Variants in SHLD1 observed in about 807,000 individuals in gnomAD.
SHLD1 encodes the protein RINN1-REV7-interacting novel NHEJ regulator 3.
SHLD1 carries 3 observed loss-of-function variants against 5.5 expected under a neutral mutation model. That is an observed-to-expected ratio of 0.54 (90% CI 0.25 to 1.40). The LOEUF (loss-of-function observed/expected upper bound fraction) is 1.40, where lower values mean the gene tolerates loss of function less well. Among genes scored for constraint, SHLD1 ranks in the 40% most tolerant of loss-of-function variants. The probability of loss-of-function intolerance (pLI) is 0.15; values close to 1 mark genes in which losing one functional copy is unlikely to be tolerated. For missense variants in SHLD1, 210 were observed against 244.4 expected (o/e 0.86, Z 0.94); for synonymous variants, 92 against 94.3 (o/e 0.98, Z 0.14).
At chr20:5,858,552 G>C (rs6116972) in intron 2 of SHLD1, among the ~76,000 whole-genome samples, 1 of 152,174 alleles carries the variant, frequency 6.6e-6, no homozygotes, top group African/African-American at 2.4e-5. Context: ...TCAAGTATCA[G>C]GCTGAGCGTG....
chr20:5,769,603 C>G (rs1326688972), intron 1 of SHLD1, among the ~76,000 whole-genome samples: 1 of 152,168 alleles, frequency 6.6e-6, no homozygotes, highest in Non-Finnish European at 1.5e-5. Context: ...AATAATAGAA[C>G]AGTTATTAAA....
At chr20:5,850,598 C>A (rs2087996227) in intron 2 of SHLD1, among the ~76,000 whole-genome samples, 1 of 150,626 alleles carries the variant, frequency 6.6e-6, no homozygotes, top group Non-Finnish European at 1.5e-5. Context: ...GCAACCTCCA[C>A]CTCCCGGGTT....
chr20:5,800,648 A>G, intron 2 of SHLD1, among the ~76,000 whole-genome samples: 1 of 151,778 alleles, frequency 6.6e-6, no homozygotes, highest in East Asian at 1.9e-4. Context: ...AGATTGTGCC[A>G]CTGCACCCCA....
chr20:5,797,044 A>G (rs2087223982), intron 2 of SHLD1, among the ~76,000 whole-genome samples: 1 of 152,170 alleles, frequency 6.6e-6, no homozygotes. Context: ...TGGAAGAAAA[A>G]CAGACCCAGA....
intron 1 of SHLD1, among the ~76,000 whole-genome samples, chr20:5,753,674 A>G (rs1983892780): frequency 6.6e-6 from 1 of 152,228 alleles, no homozygotes; most frequent in South Asian, 2.1e-4. Flanking sequence ...GTGTACAAGC[A>G]ACATGGCACT....
Position 5,773,032 on chromosome 20 carries a change from A to T in SHLD1, c.167A>T (p.Asp56Val). The change falls in exon 2 of 3, where the codon GAT (aspartate) becomes GTT (valine). Residue 56 changes from aspartate to valine, a missense_variant. Physicochemically the swap from Asp to Val is radical, Grantham distance 152 (BLOSUM62 -3). Transcript: ENST00000303142. ...TTCCATTCTTTTCCTTATTCTTCTG[A>T]TGTGGATCCAGGTAATAAGCAGAGT... ...LEFHSFPYSS[D>V]VDPDTSNLNI... 1 of 1,614,208 alleles carries T rather than the reference A, an allele frequency of 6.2e-7. No homozygotes were observed. The highest frequency in any genetic ancestry group is 1.1e-5 in the South Asian group (1 of 91,088).
intron 2 of SHLD1, among the ~76,000 whole-genome samples, chr20:5,786,824 A>G (rs1376447430): frequency 6.6e-6 from 1 of 152,098 alleles, no homozygotes. Flanking sequence ...AGTGCCTCCC[A>G]TCTGCCCCAG....
At position 5,855,048 on chromosome 20, in the gene SHLD1, AT is replaced by A. The variant is rs1251202298; in HGVS notation, c.179-7966del. ...ACCACCATGGCCGGCTAAATTTTTA[AT>A]TTTTTTTTTGTAGAGGCAGGGTCTT... On this transcript the variant is annotated intron_variant, in intron 2 of 2. Coordinates refer to ENST00000303142, the MANE Select transcript of SHLD1 (RefSeq NM_152504.4). The surrounding 1 kb of genome is among the most constrained non-coding windows in gnomAD (Gnocchi z 4.4). 3.4e-5 allele frequency among the ~76,000 whole-genome samples: 5 copies of A among 147,830 alleles called. No homozygotes were observed. Among genetic ancestry groups the A allele is most frequent in the East Asian group, 2.0e-4 (1 of 5,046 alleles).
intron 2 of SHLD1, among the ~76,000 whole-genome samples, chr20:5,832,266 A>C (rs912662097): frequency 6.6e-6 from 1 of 152,170 alleles, no homozygotes; most frequent in East Asian, 1.9e-4. Context: ...AGAATAATGG[A>C]AGTGAATCCA....
chr20:5,792,239 G>A (rs146337839), intron 2 of SHLD1, among the ~76,000 whole-genome samples: 53 of 152,180 alleles, frequency 3.5e-4, no homozygotes, highest in African/African-American at 1.3e-3. Context: ...TGTACTTTCG[G>A]TGTCATGTCT....
In SHLD1 at chr20:5,855,901, T is replaced by C. The variant is rs2088076723; in HGVS notation, c.179-7123T>C. Among the ~76,000 whole-genome samples, 1 of 152,216 alleles carries C rather than the reference T, an allele frequency of 6.6e-6. No homozygotes were observed. On this transcript the variant is annotated intron_variant, in intron 2 of 2. Coordinates refer to ENST00000303142, the MANE Select transcript of SHLD1 (RefSeq NM_152504.4). This position sits in a 1 kb window ranked among gnomAD's most constrained non-coding sequence, Gnocchi z 4.4. ...TGACTTCACGTTAGCCAGTGAAATATGAACAGAAGTAATAGAGCTGTCCCA... is the reference window on the plus strand; with the variant it reads ...TGACTTCACGTTAGCCAGTGAAATACGAACAGAAGTAATAGAGCTGTCCCA...
chr20:5,785,065 A>G (rs2087041156), intron 2 of SHLD1, among the ~76,000 whole-genome samples: 2 of 152,298 alleles, frequency 1.3e-5, no homozygotes, highest in Admixed American at 6.5e-5. Flanking sequence ...TTACTCAGCT[A>G]TGTCTTCTTA....
intron 1 of SHLD1, among the ~76,000 whole-genome samples, chr20:5,761,485 G>A (rs1408070711): frequency 6.6e-6 from 1 of 151,672 alleles, no homozygotes; most frequent in Non-Finnish European, 1.5e-5. Context: ...AGGAGCAAGT[G>A]AACTAGAGGC....
At chr20:5,818,976 C>T (rs187706178) in intron 2 of SHLD1, among the ~76,000 whole-genome samples, 3 of 152,264 alleles carry the variant, frequency 2.0e-5, no homozygotes, top group South Asian at 2.1e-4. Context: ...AATTCTTGGG[C>T]CTCAGCCTCC....
intron 2 of SHLD1, among the ~76,000 whole-genome samples, chr20:5,831,331 A>T (rs1434567636): frequency 6.6e-6 from 1 of 152,238 alleles, no homozygotes; most frequent in African/African-American, 2.4e-5. Flanking sequence ...TTCTTGGCTC[A>T]GTGAAGTCTT....
chr20:5,781,241 G>A (rs1600115110), intron 2 of SHLD1, among the ~76,000 whole-genome samples: 1 of 152,052 alleles, frequency 6.6e-6, no homozygotes, highest in African/African-American at 2.4e-5. Flanking sequence ...TGCCAAACAG[G>A]GCTTCCTGAG....
chr20:5,845,080 G>A (rs538489540), intron 2 of SHLD1, among the ~76,000 whole-genome samples: 34 of 152,080 alleles, frequency 2.2e-4, no homozygotes, highest in African/African-American at 7.7e-4. Context: ...TTACAGGCAT[G>A]AGCCACCGTG....
At chr20:5,859,424 G>T (rs2088131923) in intron 2 of SHLD1, among the ~76,000 whole-genome samples, 1 of 152,158 alleles carries the variant, frequency 6.6e-6, no homozygotes, top group African/African-American at 2.4e-5. Context: ...AACATCCCTA[G>T]ACTCTCCCTG....
chr20:5,839,466 G>A (rs2087828441), intron 2 of SHLD1, among the ~76,000 whole-genome samples: 1 of 146,222 alleles, frequency 6.8e-6, no homozygotes. Context: ...AGAGATGGAT[G>A]AATGGATAAA....
Sources: allele counts gnomAD v4.1 joint callset (sites outside exome capture counted in the v4.1 genomes callset), GRCh38; gene constraint gnomAD v4.1.1; non-coding constraint Gnocchi (gnomAD v3.1); transcripts MANE v1.5; gene names NCBI Gene and HGNC (gene_info 2026-07-23, HGNC 2026-07-21).